The following ZNF202 variants were observed in gnomAD, a reference collection of about 807,000 sequenced individuals.
The protein encoded by ZNF202 is zinc finger protein 202.
In ZNF202, 22 loss-of-function variants were observed where a neutral mutation model predicts 54.5. That is an observed-to-expected ratio of 0.40 (90% CI 0.29 to 0.58). The LOEUF is 0.58. Ranked by LOEUF, ZNF202 falls within the 20% of genes least tolerant of loss-of-function variation. The pLI is 0.39. For missense variants in ZNF202, 644 were observed against 805.5 expected, an observed-to-expected ratio of 0.80 and a Z score of 2.43; for synonymous variants, 294 against 301.4, an observed-to-expected ratio of 0.98 and a Z score of 0.26.
At chr11:123,732,169 T>C (rs1030503248) in intron 3 of ZNF202, among the ~76,000 whole-genome samples, 1 of 152,224 alleles carries the variant, frequency 6.6e-6, no homozygotes, top group Non-Finnish European at 1.5e-5. Context: ...CTCATCTGGA[T>C]GACTGCAACT....
At chr11:123,728,702 AT>A (rs1317172337) in intron 6 of ZNF202, among the ~76,000 whole-genome samples, 1 of 151,698 alleles carries the variant, frequency 6.6e-6, no homozygotes, top group Non-Finnish European at 1.5e-5. Context: ...CATGAATTCT[AT>A]TTCTTTTTCT....
chr11:123,728,099 C>A (rs1243799395), intron 7 of ZNF202, 34 bp downstream of exon 7: 1 of 1,590,674 alleles, frequency 6.3e-7, no homozygotes, highest in Admixed American at 1.7e-5. Context: ...GATCTCTGGG[C>A]TTAGAACACT....
chr11:123,731,044 C>A, intron 3 of ZNF202, 59 bp from the exon 4 acceptor site: 2 of 797,606 alleles, frequency 2.5e-6, no homozygotes, highest in Non-Finnish European at 3.8e-6. Flanking sequence ...ACAAGGACAA[C>A]AGCCTGAGTT....
chr11:123,734,945 A>T (rs560185249), intron 3 of ZNF202, among the ~76,000 whole-genome samples: 2 of 152,170 alleles, frequency 1.3e-5, no homozygotes, highest in Non-Finnish European at 2.9e-5. Context: ...TGGAACCACA[A>T]CTCATCACAA....
Position 123,738,869 on chromosome 11 carries a change from T to C in ZNF202, c.-98+1248A>G, listed in dbSNP as rs556919864. ...GATAAGGGATGGGATCCCCGCCTGT[T>C]GAACCAGAGGAATCTGAGGAGTACC... is the stretch of plus-strand genomic sequence containing the variant. On this transcript the variant is annotated intron_variant, in intron 3 of 8. Coordinates refer to ENST00000530393, the MANE Select transcript of ZNF202 (RefSeq NM_003455.4). The C allele has an allele frequency of 2.0e-5, 3 of 152,324 alleles. No homozygotes were observed. In the South Asian group the frequency reaches 6.2e-4, roughly 32 times the overall value. The allele number at this position is 152,324 out of a possible 1,614,324, so 9.4% of individuals were successfully genotyped here. A position where few individuals can be genotyped will look rare whatever the true frequency, so the allele number is the denominator to read the frequency against.
rs1861038235 is a variant in ZNF202 at position 123,724,461 on chromosome 11, C to CT, written c.*1535dup. The CT allele has an allele frequency of 1.3e-5, 2 of 152,304 alleles. No homozygotes were observed. Among genetic ancestry groups the CT allele is most frequent in the South Asian group, 4.1e-4 (2 of 4,826 alleles). The allele number at this position is 152,304 out of a possible 1,614,324, so 9.4% of individuals were successfully genotyped here. ...ATCATCGACCAAAATGAGAATTTCC[C>CT]TGTTGGGCCATTAGGGTTGGAGTCT... is the stretch of plus-strand genomic sequence containing the variant. On this transcript the variant is annotated 3_prime_UTR_variant, in exon 9 of 9. Coordinates refer to ENST00000530393, the MANE Select transcript of ZNF202 (RefSeq NM_003455.4).
Position 123,730,976 on chromosome 11 carries a change from TCCAAGGG to T in ZNF202, c.-95_-89del. 6.8e-7 allele frequency: 1 copy of T among 1,477,576 alleles called. No individual in the cohort carries two copies. Among genetic ancestry groups the T allele is most frequent in the Non-Finnish European group, 9.1e-7 (1 of 1,100,148 alleles). The allele number at this position is 1,477,576 out of a possible 1,614,324, so 91.5% of individuals were successfully genotyped here. ...AGCCTGGACACAGCGAGGATTTTCTTCCAAGGGCCCTGGATAGAGAAGTAAAGACAAA... is the reference window on the plus strand; with the variant it reads ...AGCCTGGACACAGCGAGGATTTTCTTCCCTGGATAGAGAAGTAAAGACAAA... On this transcript the variant is annotated splice_region_variant and 5_prime_UTR_variant, in exon 4 of 9. The change abolishes the stop of an existing upstream ORF in the 5' untranslated region. Transcript: ENST00000530393. The surrounding 1 kb of genome is among the most constrained non-coding windows in gnomAD (Gnocchi z 6.0).
At chr11:123,728,343 G>T in intron 6 of ZNF202, 81 bp from the exon 7 acceptor site, 1 of 1,469,012 alleles carries the variant, frequency 6.8e-7, no homozygotes, top group Non-Finnish European at 9.1e-7. Flanking sequence ...TCATACAATA[G>T]GTGGACTCCT....
intron 3 of ZNF202, among the ~76,000 whole-genome samples, chr11:123,737,180 A>G (rs1242475754): frequency 6.6e-6 from 1 of 152,040 alleles, no homozygotes; most frequent in African/African-American, 2.4e-5. Context: ...CTAATTACCA[A>G]TATATCAAAG....
Position 123,729,722 on chromosome 11 carries a change from G to C in ZNF202, c.506C>G (p.Ser169Trp), listed in dbSNP as rs781567609. ...PNELQDPVQS[S>W]TPEQSPEETT... is the part of the protein sequence containing the mutation. The stretch of plus-strand genomic sequence containing the variant: ...TTCCTCAGGAGACTGCTCGGGGGTC[G>C]AGCTTTGCACAGGATCCTGCAGCTC... The change falls in exon 5 of 9, where the codon TCG becomes TGG. Residue 169 changes from serine to tryptophan, a missense_variant. Transcript: ENST00000530393. 6 of 1,613,790 alleles carry C rather than the reference G, an allele frequency of 3.7e-6. No homozygotes were observed. The highest frequency in any genetic ancestry group is 1.6e-4 in the Middle Eastern group (1 of 6,084).
Position 123,726,543 on chromosome 11 carries a change from A to G in ZNF202, c.1401T>C (p.Pro467=). 1 of 1,614,226 alleles carries G rather than the reference A, an allele frequency of 6.2e-7. No homozygotes were observed. The highest frequency in any genetic ancestry group is 8.5e-7 in the Non-Finnish European group (1 of 1,180,040). ...ATGGAGTTCTCTCAGCCTGTGTCAC[A>G]GGGGAGGTCTCTTCCAAATTCTTCC... is the stretch of plus-strand genomic sequence containing the variant. ...LNRKNLEETS[P]VTQAERTPSV... The change falls in exon 9 of 9, where the codon CCT becomes CCC. Residue 467 remains proline, a synonymous_variant. Transcript: ENST00000530393. The surrounding 1 kb of genome is among the most constrained non-coding windows in gnomAD (Gnocchi z 6.0).
chr11:123,740,214 G>C (rs1036489285), intron 2 of ZNF202, 22 bp from the exon 3 acceptor site: 5 of 152,212 alleles, frequency 3.3e-5, no homozygotes, highest in Non-Finnish European at 7.3e-5. Flanking sequence ...TATATACACA[G>C]AGTACAAAAA....
At chr11:123,735,257 A>G (rs1006399551) in intron 3 of ZNF202, among the ~76,000 whole-genome samples, 1 of 152,186 alleles carries the variant, frequency 6.6e-6, no homozygotes. Context: ...TGGAATCCTC[A>G]TTGTTTTCAC....
chr11:123,725,842 G>A lies in ZNF202; in HGVS notation c.*155C>T, dbSNP rs1861105945. 2 of 854,818 alleles carry A rather than the reference G, an allele frequency of 2.3e-6. No individual in the cohort carries two copies. The highest frequency in any genetic ancestry group is 3.5e-6 in the Non-Finnish European group (2 of 572,882). The allele number at this position is 854,818 out of a possible 1,614,324, so 53.0% of individuals were successfully genotyped here. On this transcript the variant is annotated 3_prime_UTR_variant, in exon 9 of 9. Coordinates refer to ENST00000530393, the MANE Select transcript of ZNF202 (RefSeq NM_003455.4). Reference sequence around the variant, plus strand: ...AGGAAGGCTGAGAGGTTCTGCCCAGGCTCGTGTTTAGTTGCAGGAAGAGGT... The same window carrying A: ...AGGAAGGCTGAGAGGTTCTGCCCAGACTCGTGTTTAGTTGCAGGAAGAGGT...
chr11:123,726,611 T>C lies in ZNF202; in HGVS notation c.1333A>G (p.Lys445Glu), dbSNP rs763981843. The stretch of plus-strand genomic sequence containing the variant: ...TAAGGCGCGTTCATCTTGTGAACCT[T>C]TTGGTGCCTGGCAAGATGTGAGCTT... The part of the protein sequence containing the change: ...TRSSHLARHQ[K>E]VHKMNAPYKY... Residue 445 changes from lysine to glutamate, a missense_variant, in exon 9 of 9, where the codon AAG becomes GAG. Physicochemically the swap from Lys to Glu is moderately conservative, Grantham distance 56. Coordinates refer to ENST00000530393, the MANE Select transcript of ZNF202 (RefSeq NM_003455.4). This position sits in a 1 kb window ranked among gnomAD's most constrained non-coding sequence, Gnocchi z 6.0. 1.2e-6 allele frequency: 2 copies of C among 1,614,174 alleles called. No homozygotes were observed. The highest frequency in any genetic ancestry group is 1.1e-5 in the South Asian group (1 of 91,086).
chr11:123,738,150 T>C (rs1472345270), intron 3 of ZNF202, among the ~76,000 whole-genome samples: 2 of 152,180 alleles, frequency 1.3e-5, no homozygotes, highest in African/African-American at 4.8e-5. Flanking sequence ...TATCTGGGAC[T>C]ACAGCACATG....
rs1308359566 is a variant in ZNF202, at chr11:123,726,991, C to A, written c.953G>T (p.Gly318Val). 6.2e-7 allele frequency: 1 copy of A among 1,607,244 alleles called. No homozygotes were observed. The highest frequency in any genetic ancestry group is 1.7e-5 in the Admixed American group (1 of 59,406). The change falls in exon 9 of 9, where the codon GGA (glycine) becomes GTA (valine). Residue 318 changes from glycine (G) to valine (V), a missense_variant and splice_region_variant. By Grantham distance (109) the Gly-to-Val change is moderately radical (BLOSUM62 -3). Transcript: ENST00000530393. This position sits in a 1 kb window ranked among gnomAD's most constrained non-coding sequence, Gnocchi z 6.0. ...EPEILSFTYTGDRSKDEEECL... is the reference protein window; with the variant it reads ...EPEILSFTYTVDRSKDEEECL... Reference sequence around the variant, plus strand: ...CTCTTCCTCATCTTTACTCCTATCTCCTGTAGAAAGGGTGAGAGGAAAAAG... The same window carrying A: ...CTCTTCCTCATCTTTACTCCTATCTACTGTAGAAAGGGTGAGAGGAAAAAG...
intron 7 of ZNF202, 99 bp downstream of exon 7, chr11:123,728,034 G>T: frequency 7.2e-7 from 1 of 1,389,914 alleles, no homozygotes; most frequent in Non-Finnish European, 9.8e-7. Flanking sequence ...CATAAGAGAA[G>T]TTCACTGCAT....
At chr11:123,728,093 T>C (rs759703346) in intron 7 of ZNF202, 40 bp downstream of exon 7, 4 of 1,583,472 alleles carry the variant, frequency 2.5e-6, no homozygotes, top group Non-Finnish European at 3.4e-6. Flanking sequence ...GAAAAAGATC[T>C]CTGGGCTTAG....
Sources: allele counts gnomAD v4.1 joint callset (sites outside exome capture counted in the v4.1 genomes callset), GRCh38; gene constraint gnomAD v4.1.1; non-coding constraint Gnocchi (gnomAD v3.1); transcripts MANE v1.5; gene names NCBI Gene and HGNC (gene_info 2026-07-23, HGNC 2026-07-21).